PCGF5: variants seen among roughly 807,000 people sequenced by gnomAD.
PCGF5 encodes polycomb group ring finger 5, also known as polycomb group RING finger protein 5.
A neutral mutation model predicts 44.3 loss-of-function variants in PCGF5; 9 were observed. That is an observed-to-expected ratio of 0.20 (90% CI 0.12 to 0.35). The LOEUF is 0.35. PCGF5 is among the 10% of genes least tolerant of loss of function. The probability of loss-of-function intolerance (pLI) is 1.00; values close to 1 mark genes in which losing one functional copy is unlikely to be tolerated. For missense variants in PCGF5, 146 were observed against 305.3 expected (o/e 0.48, Z 3.89); for synonymous variants, 95 against 102.5 (o/e 0.93, Z 0.44).
intron 2 of PCGF5, among the ~76,000 whole-genome samples, chr10:91,235,835 A>T (rs1329220144): frequency 2.6e-5 from 4 of 152,152 alleles, no homozygotes; most frequent in African/African-American, 9.7e-5. Flanking sequence ...CTTGATTGTG[A>T]GGCCTCCCCA....
At chr10:91,177,551 C>T (rs1843731979) in intron 1 of PCGF5, among the ~76,000 whole-genome samples, 1 of 152,210 alleles carries the variant, frequency 6.6e-6, no homozygotes, top group Admixed American at 6.5e-5. Flanking sequence ...CGGTGGGCTC[C>T]ACCCAGTTCG....
chr10:91,225,139 A>C (rs943183999), intron 2 of PCGF5, among the ~76,000 whole-genome samples: 1 of 151,004 alleles, frequency 6.6e-6, no homozygotes, highest in African/African-American at 2.4e-5. Context: ...TTTTAAAAAA[A>C]GGAAAACAAA....
chr10:91,207,315 A>G (rs932246390), intron 1 of PCGF5, among the ~76,000 whole-genome samples: 4 of 152,152 alleles, frequency 2.6e-5, no homozygotes, highest in African/African-American at 9.7e-5. Flanking sequence ...TTCTACTTTC[A>G]GCTTCTTGAG....
At chr10:91,271,758 A>G in intron 9 of PCGF5, 61 bp downstream of exon 9, 4 of 1,377,594 alleles carry the variant, frequency 2.9e-6, no homozygotes, top group Non-Finnish European at 4.1e-6. Flanking sequence ...GAGCACATTC[A>G]TCCCAAACTC....
At chr10:91,272,630 G>A (rs181517540) in intron 9 of PCGF5, among the ~76,000 whole-genome samples, 6 of 152,042 alleles carry the variant, frequency 3.9e-5, no homozygotes, top group Middle Eastern at 3.4e-3. Flanking sequence ...AAAATTAGCC[G>A]GGTGTGGTGG....
At chr10:91,253,351 A>G (rs1845667127) in intron 6 of PCGF5, among the ~76,000 whole-genome samples, 1 of 151,754 alleles carries the variant, frequency 6.6e-6, no homozygotes, top group South Asian at 2.1e-4. Context: ...ACCTTCAAGT[A>G]GGGCCTCATG....
chr10:91,265,089 A>AAAGAAAACCC (rs1846017941), intron 8 of PCGF5, among the ~76,000 whole-genome samples: 1 of 152,164 alleles, frequency 6.6e-6, no homozygotes, highest in Admixed American at 6.5e-5. Flanking sequence ...GGAGAAAACC[A>AAAGAAAACCC]AAGAAAACCC....
chr10:91,277,822 C>T (rs910780777), intron 9 of PCGF5, among the ~76,000 whole-genome samples: 5 of 151,950 alleles, frequency 3.3e-5, no homozygotes, highest in Non-Finnish European at 5.9e-5. Flanking sequence ...AGGTTCCTAG[C>T]AGAGGGGGTC....
chr10:91,162,676 G>T (rs1334571267), upstream of PCGF5, among the ~76,000 whole-genome samples: 1 of 151,326 alleles, frequency 6.6e-6, no homozygotes, highest in African/African-American at 2.4e-5. Flanking sequence ...GGGCACCGCC[G>T]TGGGCCGTGC....
intron 1 of PCGF5, among the ~76,000 whole-genome samples, chr10:91,187,364 T>C (rs1195833582): frequency 6.6e-6 from 1 of 152,156 alleles, no homozygotes; most frequent in Non-Finnish European, 1.5e-5. Flanking sequence ...TGTAGTGATC[T>C]GGCAGGCACC....
intron 1 of PCGF5, among the ~76,000 whole-genome samples, chr10:91,184,283 T>G (rs968803357): frequency 6.6e-6 from 1 of 152,200 alleles, no homozygotes; most frequent in Admixed American, 6.5e-5. Context: ...TCTCTATTCT[T>G]CTCTGCCTGT....
chr10:91,183,703 A>G (rs1251791947), intron 1 of PCGF5, among the ~76,000 whole-genome samples: 1 of 152,146 alleles, frequency 6.6e-6, no homozygotes, highest in Non-Finnish European at 1.5e-5. Context: ...GTGGCTGGTA[A>G]TAGTCCTTCT....
chr10:91,243,349 T>C (rs911021158), intron 3 of PCGF5, among the ~76,000 whole-genome samples: 5 of 152,194 alleles, frequency 3.3e-5, no homozygotes, highest in African/African-American at 1.2e-4. Flanking sequence ...GGTGGCCACA[T>C]TGCAGCCAGA....
At chr10:91,193,330 T>C (rs1161204090) in intron 1 of PCGF5, among the ~76,000 whole-genome samples, 1 of 152,098 alleles carries the variant, frequency 6.6e-6, no homozygotes, top group African/African-American at 2.4e-5. Context: ...TCAGCCAAAT[T>C]GTACTTAGAC....
intron 1 of PCGF5, among the ~76,000 whole-genome samples, chr10:91,163,529 G>C (rs1843433378): frequency 6.6e-6 from 1 of 152,010 alleles, no homozygotes; most frequent in Admixed American, 6.5e-5. Flanking sequence ...CTCCGCCGAG[G>C]AGGGACGACC....
chr10:91,270,852 G>A lies in PCGF5; in HGVS notation c.664-786G>A, dbSNP rs1280018078. Among the ~76,000 whole-genome samples, 4 of 151,784 alleles carry A rather than the reference G, an allele frequency of 2.6e-5. No individual in the cohort carries two copies. In the East Asian group the frequency reaches 7.7e-4, roughly 29 times the overall value. On this transcript the variant is annotated intron_variant, in intron 8 of 9. Transcript: ENST00000336126. ...TTTTAAAGTATACATTTTATGTTTTGTAGTCCAATTACAATTAAAATTACA... is the reference window on the plus strand; with the variant it reads ...TTTTAAAGTATACATTTTATGTTTTATAGTCCAATTACAATTAAAATTACA...
intron 1 of PCGF5, among the ~76,000 whole-genome samples, chr10:91,172,571 G>A (rs1217838858): frequency 1.3e-5 from 2 of 152,220 alleles, no homozygotes; most frequent in Non-Finnish European, 2.9e-5. Flanking sequence ...GGAATAGTAT[G>A]GTGTCATATA....
chr10:91,257,540 G>A (rs183918874), intron 6 of PCGF5, among the ~76,000 whole-genome samples: 1 of 152,062 alleles, frequency 6.6e-6, no homozygotes, highest in East Asian at 1.9e-4. Flanking sequence ...TGTATATACT[G>A]GTTTTTTTAA....
intron 1 of PCGF5, among the ~76,000 whole-genome samples, chr10:91,203,606 A>C (rs1844291746): frequency 6.6e-6 from 1 of 152,176 alleles, no homozygotes; most frequent in African/African-American, 2.4e-5. Context: ...AGTTAAAATA[A>C]ATTTTTGACA....
Sources: allele counts gnomAD v4.1 joint callset (sites outside exome capture counted in the v4.1 genomes callset), GRCh38; gene constraint gnomAD v4.1.1; transcripts MANE v1.5; gene names NCBI Gene and HGNC (gene_info 2026-07-23, HGNC 2026-07-21).